The following DIP2C variants were observed in gnomAD, a reference collection of about 807,000 sequenced individuals.
DIP2C encodes the protein disco-interacting protein 2 homolog C.
Under a neutral mutation model 192.4 loss-of-function variants are expected in DIP2C, and 33 were observed. That is an observed-to-expected ratio of 0.17 (90% CI 0.13 to 0.23). The LOEUF is 0.23. Among genes scored for constraint, DIP2C ranks in the 10% least tolerant of loss-of-function variants. The pLI, the probability that DIP2C is intolerant of heterozygous loss-of-function variation, is 1.00. For synonymous variants in DIP2C, 979 were observed against 864.1 expected, an observed-to-expected ratio of 1.13 and a Z score of -2.33; for missense variants, 1,537 against 2,110.1, an observed-to-expected ratio of 0.73 and a Z score of 5.32.
chr10:384,646 T>C lies in DIP2C; in HGVS notation c.1663-7A>G. On this transcript the variant is annotated splice_region_variant and splice_polypyrimidine_tract_variant and intron_variant, in intron 14 of 36. Transcript: ENST00000280886. ...GCATCATGTTCATGACGCTCTGCAA[T>C]CAACAAAGGAACACGCAGGGTGAGC... The C allele has an allele frequency of 6.2e-7, 1 of 1,613,556 alleles. No individual in the cohort carries two copies.
intron 3 of DIP2C, among the ~76,000 whole-genome samples, chr10:461,627 G>C (rs1192176809): frequency 6.6e-6 from 1 of 152,078 alleles, no homozygotes; most frequent in African/African-American, 2.4e-5. Flanking sequence ...GACAGATTGA[G>C]ACAGAAAATT....
intron 1 of DIP2C, among the ~76,000 whole-genome samples, chr10:601,275 A>G (rs193063981): frequency 6.6e-6 from 1 of 152,336 alleles, no homozygotes; most frequent in East Asian, 1.9e-4. Context: ...ATCAGGCAAA[A>G]ATTTTAGGAA....
chr10:544,006 GCGTGACCTTTGA>G (rs916281904), intron 1 of DIP2C, among the ~76,000 whole-genome samples: 11 of 152,384 alleles, frequency 7.2e-5, no homozygotes, highest in East Asian at 3.9e-4. Context: ...GGCACATAGT[GCGTGACCTTTGA>G]CGTGACCTTT....
intron 31 of DIP2C, among the ~76,000 whole-genome samples, chr10:326,153 T>C (rs1407742773): frequency 6.6e-6 from 1 of 152,152 alleles, no homozygotes; most frequent in Non-Finnish European, 1.5e-5. Flanking sequence ...ATGACGCCAC[T>C]GCACTCCAGC....
chr10:551,624 G>A (rs933260761), intron 1 of DIP2C, among the ~76,000 whole-genome samples: 9 of 152,184 alleles, frequency 5.9e-5, no homozygotes, highest in African/African-American at 2.2e-4. Flanking sequence ...AAAGGTGAGG[G>A]ACTCAGCCCC....
chr10:614,412 GCT>G (rs1853305555), intron 1 of DIP2C, among the ~76,000 whole-genome samples: 1 of 152,232 alleles, frequency 6.6e-6, no homozygotes, highest in Non-Finnish European at 1.5e-5. Context: ...AACAGTGCCG[GCT>G]CTGTGGTGGG....
At chr10:494,570 T>G (rs543985081) in intron 1 of DIP2C, among the ~76,000 whole-genome samples, 1 of 152,166 alleles carries the variant, frequency 6.6e-6, no homozygotes, top group South Asian at 2.1e-4. Flanking sequence ...GCTCAACCAG[T>G]CAATATGCAG....
At chr10:461,479 G>A (rs561345308) in intron 3 of DIP2C, among the ~76,000 whole-genome samples, 1 of 152,278 alleles carries the variant, frequency 6.6e-6, no homozygotes, top group East Asian at 1.9e-4. Flanking sequence ...ACAACAAGAA[G>A]GGCCAACTAT....
chr10:605,669 G>A (rs1336384143), intron 1 of DIP2C, among the ~76,000 whole-genome samples: 15 of 152,228 alleles, frequency 9.9e-5, no homozygotes, highest in Admixed American at 7.2e-4. Context: ...TGCCACCTCT[G>A]TCTTAGATAT....
At chr10:626,115 C>T (rs758016660) in intron 1 of DIP2C, among the ~76,000 whole-genome samples, 8 of 152,184 alleles carry the variant, frequency 5.3e-5, no homozygotes, top group South Asian at 4.1e-4. Context: ...CCATGGACCA[C>T]GACAAAAGAA....
chr10:358,089 A>T (rs1460354832), intron 22 of DIP2C, 152 bp from the exon 23 acceptor site: 2 of 583,104 alleles, frequency 3.4e-6, no homozygotes, highest in African/African-American at 3.7e-5. Flanking sequence ...CAACGAAATC[A>T]AATGATTGTG....
In DIP2C at chr10:288,380, AG is replaced by A; in HGVS notation, c.4027del (p.Leu1343Ter). On this transcript the variant is annotated frameshift_variant, in exon 33 of 37. Coordinates refer to ENST00000280886, the MANE Select transcript of DIP2C (RefSeq NM_014974.3). LOFTEE classifies it high-confidence loss of function. ...VERGSPHSLP[L>X]MESGKILPGV... is the part of the protein sequence containing the mutation. ...AATACTTACCTTTCCCGATTCCATC[AG>A]GGGCAGACTATGAGGGGATCCTCTT... The A allele has an allele frequency of 6.2e-7, 1 of 1,614,052 alleles. No homozygotes were observed. The highest frequency in any genetic ancestry group is 8.5e-7 in the Non-Finnish European group (1 of 1,179,916).
chr10:534,001 T>TAAA (rs34809873), intron 1 of DIP2C, among the ~76,000 whole-genome samples: 1 of 148,736 alleles, frequency 6.7e-6, no homozygotes, highest in African/African-American at 2.5e-5. Flanking sequence ...TGACATGCTT[T>TAAA]AAAAAAAAAA....
At chr10:414,904 A>ATT (rs1227372945) in intron 7 of DIP2C, among the ~76,000 whole-genome samples, 3 of 77,770 alleles carry the variant, frequency 3.9e-5, no homozygotes, top group African/African-American at 1.3e-4. Context: ...ATATATATAT[A>ATT]TATTTTTTTT....
intron 17 of DIP2C, among the ~76,000 whole-genome samples, chr10:376,902 G>A (rs1453295831): frequency 1.3e-5 from 2 of 152,214 alleles, no homozygotes; most frequent in Non-Finnish European, 2.9e-5. Context: ...CTTTTTCGAT[G>A]TTTAGCGTGA....
intron 3 of DIP2C, among the ~76,000 whole-genome samples, chr10:467,534 AAAAATAAAT>A (rs145932176): frequency 0.5 from 60,356 of 119,742 alleles, 14,322 homozygotes; most frequent in East Asian, 0.7. Context: ...AGTATAAAAA[AAAAATAAAT>A]AAAATAAAAA....
At position 513,394 on chromosome 10, in the gene DIP2C, C is replaced by T. The variant is rs555612538; in HGVS notation, c.86-26864G>A. Among the ~76,000 whole-genome samples, 11 of 152,348 alleles carry T rather than the reference C, an allele frequency of 7.2e-5. No individual in the cohort carries two copies. In the East Asian group the frequency reaches 1.9e-3, roughly 27 times the overall value. On this transcript the variant is annotated intron_variant, in intron 1 of 36. Coordinates refer to ENST00000280886, the MANE Select transcript of DIP2C (RefSeq NM_014974.3). ...GTTTGTCGCGTGTTTCCCTCAAGGA[C>T]GGAAGTCTCCCCTTTACTCTCATCC... is the stretch of plus-strand genomic sequence containing the variant.
intron 14 of DIP2C, among the ~76,000 whole-genome samples, chr10:385,011 G>A (rs1962760743): frequency 6.6e-6 from 1 of 151,274 alleles, no homozygotes; most frequent in African/African-American, 2.4e-5. Context: ...AAGAGCAGCA[G>A]GTCTCAGAGA....
intron 1 of DIP2C, among the ~76,000 whole-genome samples, chr10:580,991 G>A (rs902671216): frequency 6.6e-6 from 1 of 152,182 alleles, no homozygotes; most frequent in African/African-American, 2.4e-5. Context: ...ATCGAGTTCT[G>A]ACAATTTGAC....
Sources: allele counts gnomAD v4.1 joint callset (sites outside exome capture counted in the v4.1 genomes callset), GRCh38; gene constraint gnomAD v4.1.1; transcripts MANE v1.5; gene names NCBI Gene and HGNC (gene_info 2026-07-23, HGNC 2026-07-21).